The following SARAF variants were observed in gnomAD, a reference collection of about 807,000 sequenced individuals.
SARAF encodes store-operated calcium entry-associated regulatory factor.
A neutral mutation model predicts 39.7 loss-of-function variants in SARAF; 23 were observed. The observed-to-expected ratio is 0.58, with a 90% CI of 0.42 to 0.82. The LOEUF is 0.82. SARAF is among the 40% of genes least tolerant of loss of function. SARAF has a pLI of 0.00. For missense variants in SARAF, 384 were observed against 418.5 expected (o/e 0.92, Z 0.72); for synonymous variants, 175 against 168.5 (o/e 1.04, Z -0.30).
intron 1 of SARAF, among the ~76,000 whole-genome samples, chr8:30,077,826 AAGT>A (rs1802003048): frequency 6.6e-6 from 1 of 150,834 alleles, no homozygotes. Context: ...AGAAAAAAGA[AAGT>A]AGAGCAAAAA....
In SARAF at chr8:30,073,976, G is replaced by A; in HGVS notation, c.183C>T (p.Ile61=). 1.9e-6 allele frequency: 3 copies of A among 1,614,192 alleles called. No individual in the cohort carries two copies. The highest frequency in any genetic ancestry group is 2.5e-6 in the Non-Finnish European group (3 of 1,180,032). ...RYTTSRRLDP[I]PQLKCVGGTA... is the part of the protein sequence containing the mutation. Reference sequence around the variant, plus strand: ...TGCCTCCAACACATTTCAACTGTGGGATGGGATCCAGCCTGCGGGAGGTGG... The same window carrying A: ...TGCCTCCAACACATTTCAACTGTGGAATGGGATCCAGCCTGCGGGAGGTGG... Residue 61 remains isoleucine, a synonymous_variant, in exon 2 of 6, where the codon ATC becomes ATT. Coordinates refer to ENST00000256255, the MANE Select transcript of SARAF (RefSeq NM_016127.6).
At chr8:30,066,655 CTTAT>C (rs1801699535) in intron 4 of SARAF, 118 bp downstream of exon 4, 1 of 1,246,080 alleles carries the variant, frequency 8.0e-7, no homozygotes, top group Non-Finnish European at 1.1e-6. Context: ...CCCAGAGAAT[CTTAT>C]TTAATAGGCT....
chr8:30,077,908 G>A (rs746150181), intron 1 of SARAF, among the ~76,000 whole-genome samples: 11 of 152,006 alleles, frequency 7.2e-5, no homozygotes, highest in South Asian at 2.1e-4. Context: ...TTGGGTGGCC[G>A]AGGCAGGCAG....
At chr8:30,068,436 G>T (rs1046000636) in intron 3 of SARAF, among the ~76,000 whole-genome samples, 2 of 152,068 alleles carry the variant, frequency 1.3e-5, no homozygotes, top group Non-Finnish European at 2.9e-5. Context: ...CAAGCTCAGG[G>T]CTCCCACTGA....
chr8:30,069,838 C>G lies in SARAF; in HGVS notation c.504G>C (p.Ala168=). 6.2e-7 allele frequency: 1 copy of G among 1,614,098 alleles called. No individual in the cohort carries two copies. The highest frequency in any genetic ancestry group is 8.5e-7 in the Non-Finnish European group (1 of 1,180,006). Residue 168 remains alanine (A), a synonymous_variant, in exon 3 of 6, where the codon GCG becomes GCC. Coordinates refer to ENST00000256255, the MANE Select transcript of SARAF (RefSeq NM_016127.6). ...FSDYYYKWSS[A]DSCNMSGLIT... ...TCAATCCACTCATGTTACAGGAATC[C>G]GCCGAGGACCACTTATAATAATAAT...
In SARAF at chr8:30,082,950, G is replaced by A. The variant is rs558606773; in HGVS notation, c.-1C>T. On this transcript the variant is annotated 5_prime_UTR_variant, in exon 1 of 6. Transcript: ENST00000256255. ...CTCCCGGCCCGCAGGCTGCGGCCATGGCGCTCGATGAAGATGGCGCCGGGC... is the reference window on the plus strand; with the variant it reads ...CTCCCGGCCCGCAGGCTGCGGCCATAGCGCTCGATGAAGATGGCGCCGGGC... 3.6e-5 allele frequency: 55 copies of A among 1,542,008 alleles called. No individual in the cohort carries two copies. In the East Asian group the frequency reaches 1.0e-3, roughly 28 times the overall value.
Position 30,073,993 on chromosome 8 carries a change from G to A in SARAF, c.166C>T (p.Arg56Cys), listed in dbSNP as rs746985965. ...TLHYDRYTTS[R>C]RLDPIPQLKC... is the part of the protein sequence containing the mutation. The stretch of plus-strand genomic sequence containing the variant: ...AACTGTGGGATGGGATCCAGCCTGC[G>A]GGAGGTGGTATAGCGGTCATAGTGG... The change falls in exon 2 of 6, where the codon CGC becomes TGC. Residue 56 changes from arginine to cysteine, a missense_variant. Arg to Cys is a radical substitution (Grantham distance 180, BLOSUM62 -3). Transcript: ENST00000256255. 5.6e-6 allele frequency: 9 copies of A among 1,614,068 alleles called. No homozygotes were observed. The highest frequency in any genetic ancestry group is 4.5e-5 in the East Asian group (2 of 44,890).
chr8:30,082,649 C>G (rs1802132874), intron 1 of SARAF, 198 bp downstream of exon 1: 1 of 472,476 alleles, frequency 2.1e-6, no homozygotes, highest in East Asian at 3.6e-5. Context: ...CCCACTCGAG[C>G]AGTCCCTACC....
chr8:30,069,845 G>C lies in SARAF; in HGVS notation c.497C>G (p.Ser166Cys). The C allele has an allele frequency of 6.2e-7, 1 of 1,614,112 alleles. No homozygotes were observed. The highest frequency in any genetic ancestry group is 8.5e-7 in the Non-Finnish European group (1 of 1,180,008). ...ACTCATGTTACAGGAATCCGCCGAG[G>C]ACCACTTATAATAATAATCAGAGAA... ...ASFSDYYYKW[S>C]SADSCNMSGL... is the part of the protein sequence containing the mutation. Residue 166 changes from serine (S) to cysteine (C), a missense_variant, in exon 3 of 6, where the codon TCC becomes TGC. By Grantham distance (112) the Ser-to-Cys change is moderately radical (BLOSUM62 -1). Coordinates refer to ENST00000256255, the MANE Select transcript of SARAF (RefSeq NM_016127.6).
At chr8:30,068,171 G>A (rs1200418263) in intron 3 of SARAF, among the ~76,000 whole-genome samples, 2 of 152,158 alleles carry the variant, frequency 1.3e-5, no homozygotes, top group African/African-American at 4.8e-5. Flanking sequence ...GAGCCACACA[G>A]CAGGAGGTGA....
At chr8:30,083,188 G>GGGGCGGGGCGAGGCGGTGT (rs1298730954), upstream of SARAF, 1 of 409,590 alleles carries the variant, frequency 2.4e-6, no homozygotes, top group East Asian at 4.4e-5. Context: ...AGCGCGGCTT[G>GGGGCGGGGCGAGGCGGTGT]GGGCGGGGCG....
At chr8:30,070,180 C>A in intron 2 of SARAF, 121 bp from the exon 3 acceptor site, 1 of 857,462 alleles carries the variant, frequency 1.2e-6, no homozygotes, top group East Asian at 2.5e-5. Context: ...GAGGCCAAGG[C>A]GGGTGGATCA....
Position 30,063,235 on chromosome 8 carries a change from A to T in SARAF, c.*653T>A, listed in dbSNP as rs998223375. On this transcript the variant is annotated 3_prime_UTR_variant, in exon 6 of 6. Coordinates refer to ENST00000256255, the MANE Select transcript of SARAF (RefSeq NM_016127.6). Reference sequence around the variant, plus strand: ...ATTTGACCTTTACCTCTTATGAACGAAAGAAATATAGAGGTTTCAAGCATT... The same window carrying T: ...ATTTGACCTTTACCTCTTATGAACGTAAGAAATATAGAGGTTTCAAGCATT... The T allele has an allele frequency of 2.6e-5, 4 of 152,186 alleles. No individual in the cohort carries two copies. Among genetic ancestry groups the T allele is most frequent in the Non-Finnish European group, 5.9e-5 (4 of 68,038 alleles). The allele number at this position is 152,186 out of a possible 1,614,324, so 9.4% of individuals were successfully genotyped here.
intron 4 of SARAF, 66 bp from the exon 5 acceptor site, chr8:30,066,205 G>A: frequency 6.7e-7 from 1 of 1,486,032 alleles, no homozygotes; most frequent in Non-Finnish European, 9.1e-7. Context: ...ATACCTTCCT[G>A]TTCCTAAACT....
At chr8:30,081,547 TACTCAA>T (rs1802097549) in intron 1 of SARAF, among the ~76,000 whole-genome samples, 1 of 152,246 alleles carries the variant, frequency 6.6e-6, no homozygotes, top group Non-Finnish European at 1.5e-5. Context: ...ATCAAATGAC[TACTCAA>T]CGTGATGTGC....
chr8:30,065,554 G>A (rs7841240), intron 5 of SARAF, among the ~76,000 whole-genome samples: 149,217 of 152,312 alleles, frequency 0.98, 73,165 homozygotes, highest in Middle Eastern at 1. Context: ...TGTTTTTTTT[G>A]TATCTTTGCT....
rs1360252081 is a variant in SARAF at position 30,083,017 on chromosome 8, G to C, written c.-68C>G. Reference sequence around the variant, plus strand: ...GCCGAACCTGGGTGCGGTAGCGCGCGCGACGCTGCGCAGCTACACCGCTAC... The same window carrying C: ...GCCGAACCTGGGTGCGGTAGCGCGCCCGACGCTGCGCAGCTACACCGCTAC... On this transcript the variant is annotated 5_prime_UTR_variant, in exon 1 of 6. Transcript: ENST00000256255. The C allele has an allele frequency of 3.8e-5, 46 of 1,213,784 alleles. No homozygotes were observed. In the African/African-American group the frequency reaches 5.1e-4, roughly 13 times the overall value. The allele number at this position is 1,213,784 out of a possible 1,614,324, so 75.2% of individuals were successfully genotyped here. A position where few individuals can be genotyped will look rare whatever the true frequency, so the allele number is the denominator to read the frequency against.
chr8:30,078,352 G>A, intron 1 of SARAF: 2 of 411,054 alleles, frequency 4.9e-6, no homozygotes, highest in East Asian at 7.4e-5. Context: ...CATACTGAAA[G>A]GGCCCAACAA....
chr8:30,066,211 A>C lies in SARAF; in HGVS notation c.843-72T>G. ...AATTTTTAAATACCTTCCTGTTCCT[A>C]AACTGTCAGAAAAAAATATCTTTAT... On this transcript the variant is annotated intron_variant, in intron 4 of 5. Coordinates refer to ENST00000256255, the MANE Select transcript of SARAF (RefSeq NM_016127.6). 2.8e-6 allele frequency: 4 copies of C among 1,441,808 alleles called. No individual in the cohort carries two copies. The South Asian group carries it at 3.8e-5, about 14-fold the overall frequency. 89.3% of individuals were successfully genotyped at this position (1,441,808 alleles called of 1,614,324 possible). A position where few individuals can be genotyped will look rare whatever the true frequency, so the allele number is the denominator to read the frequency against.
Sources: allele counts gnomAD v4.1 joint callset (sites outside exome capture counted in the v4.1 genomes callset), GRCh38; gene constraint gnomAD v4.1.1; transcripts MANE v1.5; gene names NCBI Gene and HGNC (gene_info 2026-07-23, HGNC 2026-07-21).